RNF169: variants seen among roughly 807,000 people sequenced by gnomAD.
RNF169 encodes ring finger protein 169.
Under a neutral mutation model 53.9 loss-of-function variants are expected in RNF169, and 24 were observed. The observed-to-expected ratio is 0.45, with a 90% CI of 0.32 to 0.63. The LOEUF is 0.63. Among genes scored for constraint, RNF169 ranks in the 20% least tolerant of loss-of-function variants. The pLI is 0.04. For missense variants in RNF169, 883 were observed against 906.2 expected (o/e 0.97, Z 0.33); for synonymous variants, 396 against 363.5 (o/e 1.09, Z -1.02).
At position 74,749,152 on chromosome 11, in the gene RNF169, G is replaced by A; in HGVS notation, c.272G>A (p.Cys91Tyr). ...LPCGHSLCRG[C>Y]AQRAADAAGP... ...TGCGGCCACTCGCTTTGCCGAGGCT[G>A]CGCCCAACGCGCCGCCGACGCGGCG... Residue 91 changes from cysteine to tyrosine, a missense_variant, in exon 1 of 6, where the codon TGC (cysteine) becomes TAC (tyrosine). Transcript: ENST00000299563. 2 of 1,263,392 alleles carry A rather than the reference G, an allele frequency of 1.6e-6. No individual in the cohort carries two copies. Among genetic ancestry groups the A allele is most frequent in the Non-Finnish European group, 2.0e-6 (2 of 1,006,388 alleles). The allele number at this position is 1,263,392 out of a possible 1,614,324, so 78.3% of individuals were successfully genotyped here.
intron 3 of RNF169, among the ~76,000 whole-genome samples, chr11:74,814,830 A>AT (rs1223144173): frequency 6.6e-6 from 1 of 152,008 alleles, no homozygotes; most frequent in Non-Finnish European, 1.5e-5. Context: ...CATTTGTCTC[A>AT]TTTTTTTCTT....
At position 74,835,896 on chromosome 11, in the gene RNF169, C is replaced by G; in HGVS notation, c.1293C>G (p.Leu431=). The stretch of plus-strand genomic sequence containing the variant: ...CTTATGAGGCCAGTCCACGGATCCT[C>G]AAAAAGTGGGAACAGATCTTTCAGG... The part of the protein sequence containing the change: ...QTSYEASPRI[L]KKWEQIFQER... Residue 431 remains leucine (L), a synonymous_variant, in exon 6 of 6, where the codon CTC becomes CTG. Transcript: ENST00000299563. The G allele has an allele frequency of 6.2e-7, 1 of 1,614,070 alleles. No homozygotes were observed. The highest frequency in any genetic ancestry group is 1.3e-5 in the African/African-American group (1 of 75,028).
chr11:74,750,468 T>A (rs2034869658), intron 1 of RNF169, among the ~76,000 whole-genome samples: 1 of 152,020 alleles, frequency 6.6e-6, no homozygotes, highest in Admixed American at 6.6e-5. Flanking sequence ...TAGAATGCAC[T>A]CTGTTTTGAT....
rs550288392 is a variant in RNF169 at position 74,769,032 on chromosome 11, A to G, written c.502+19650A>G. ...GTGACAGAAGCGAGACCCTGCCTCA[A>G]AAGAAACAAAACAAAACAAACACAC... is the stretch of plus-strand genomic sequence containing the variant. On this transcript the variant is annotated intron_variant, in intron 1 of 5. Transcript: ENST00000299563. Among the ~76,000 whole-genome samples the G allele has an allele frequency of 2.4e-4, 36 of 152,236 alleles. No individual in the cohort carries two copies. The East Asian group carries it at 6.4e-3, about 27-fold the overall frequency.
At chr11:74,793,963 A>G (rs11606726) in intron 2 of RNF169, among the ~76,000 whole-genome samples, 6,725 of 152,228 alleles carry the variant, frequency 0.044, 244 homozygotes, top group Middle Eastern at 0.068. Context: ...TAAACACTTT[A>G]GTCTTCTGTA....
At chr11:74,777,008 C>T (rs765464986) in intron 1 of RNF169, among the ~76,000 whole-genome samples, 8 of 152,096 alleles carry the variant, frequency 5.3e-5, no homozygotes, top group Non-Finnish European at 1.0e-4. Context: ...GGTCAGTTCT[C>T]TTCATAAAGA....
chr11:74,788,810 T>C (rs1565177540), intron 1 of RNF169, among the ~76,000 whole-genome samples: 1 of 152,226 alleles, frequency 6.6e-6, no homozygotes, highest in Non-Finnish European at 1.5e-5. Context: ...TATTGTTACA[T>C]CTTCTTGATG....
intron 1 of RNF169, among the ~76,000 whole-genome samples, chr11:74,775,375 A>G (rs2135331167): frequency 6.6e-6 from 1 of 152,276 alleles, no homozygotes; most frequent in Middle Eastern, 3.4e-3. Flanking sequence ...CTAGTCAAAG[A>G]GGAATATTTT....
Position 74,837,140 on chromosome 11 carries a change from A to G in RNF169, c.*410A>G, listed in dbSNP as rs1417494499. 1 of 158,520 alleles carries G rather than the reference A, an allele frequency of 6.3e-6. No individual in the cohort carries two copies. The highest frequency in any genetic ancestry group is 2.4e-5 in the African/African-American group (1 of 41,586). The allele number at this position is 158,520 out of a possible 1,614,324, so 9.8% of individuals were successfully genotyped here. A position where few individuals can be genotyped will look rare whatever the true frequency, so the allele number is the denominator to read the frequency against. ...TAATTCCATCTTTTTCAGACAAGTG[A>G]ACAATTTAGTTCCTTGGCAGATCCA... On this transcript the variant is annotated 3_prime_UTR_variant, in exon 6 of 6. Transcript: ENST00000299563.
rs1273152497 is a variant in RNF169 at position 74,842,320 on chromosome 11, T to G, written c.*5590T>G. ...TCAAGTGGGCTGATGTGTTGTTATT[T>G]AAACAGTACCAAAGTGCATTCTTCA... On this transcript the variant is annotated 3_prime_UTR_variant, in exon 6 of 6. Coordinates refer to ENST00000299563, the MANE Select transcript of RNF169 (RefSeq NM_001098638.2). 1 of 152,256 alleles carries G rather than the reference T, an allele frequency of 6.6e-6. No individual in the cohort carries two copies. Among genetic ancestry groups the G allele is most frequent in the African/African-American group, 2.4e-5 (1 of 41,472 alleles). 9.4% of individuals were successfully genotyped at this position (152,256 alleles called of 1,614,324 possible).
chr11:74,797,081 A>G (rs2035659963), intron 2 of RNF169, among the ~76,000 whole-genome samples: 1 of 152,186 alleles, frequency 6.6e-6, no homozygotes, highest in African/African-American at 2.4e-5. Context: ...AGTAGTAAGC[A>G]TGCAGTTTTT....
chr11:74,820,447 G>A (rs1358533167), intron 4 of RNF169, among the ~76,000 whole-genome samples: 1 of 152,034 alleles, frequency 6.6e-6, no homozygotes, highest in Non-Finnish European at 1.5e-5. Context: ...TGAGGCCAGG[G>A]CATGAAAAGA....
At chr11:74,810,398 C>G (rs1173202023) in intron 3 of RNF169, 68 bp downstream of exon 3, 1 of 1,411,142 alleles carries the variant, frequency 7.1e-7, no homozygotes, top group Non-Finnish European at 1.0e-6. Context: ...TGACCTGGAC[C>G]TGAAAGACCT....
chr11:74,840,378 C>T lies in RNF169; in HGVS notation c.*3648C>T, dbSNP rs962452881. ...AAGCTGCATTCTACATTTTAGAGAC[C>T]CCATTGGTATTTGTGAATTTGATTG... On this transcript the variant is annotated 3_prime_UTR_variant, in exon 6 of 6. Transcript: ENST00000299563. 2.0e-5 allele frequency: 3 copies of T among 152,100 alleles called. No individual in the cohort carries two copies. The highest frequency in any genetic ancestry group is 4.4e-5 in the Non-Finnish European group (3 of 68,004). The allele number at this position is 152,100 out of a possible 1,614,324, so 9.4% of individuals were successfully genotyped here. A position where few individuals can be genotyped will look rare whatever the true frequency, so the allele number is the denominator to read the frequency against.
At chr11:74,798,585 G>A (rs1216882764) in intron 2 of RNF169, among the ~76,000 whole-genome samples, 1 of 152,074 alleles carries the variant, frequency 6.6e-6, no homozygotes, top group Admixed American at 6.6e-5. Flanking sequence ...ATCTCACCCT[G>A]CCTCCACTTG....
Position 74,749,381 on chromosome 11 carries a change from A to G in RNF169, c.501A>G (p.Pro167=), listed in dbSNP as rs1332695358. ...AGCCGCGTGCCGCGCCTGCGGAGCC[A>G]GGTGGAGCTTCCCCACTTCCCCTTA... ...EQEPRAAPAE[P]DFIFRAPIKL... The change falls in exon 1 of 6, where the codon CCA becomes CCG. Residue 167 remains proline, a splice_region_variant and synonymous_variant. Transcript: ENST00000299563. 7 of 1,211,324 alleles carry G rather than the reference A, an allele frequency of 5.8e-6. No homozygotes were observed. The highest frequency in any genetic ancestry group is 4.7e-5 in the African/African-American group (3 of 63,570). The allele number at this position is 1,211,324 out of a possible 1,614,324, so 75.0% of individuals were successfully genotyped here. A position where few individuals can be genotyped will look rare whatever the true frequency, so the allele number is the denominator to read the frequency against.
chr11:74,761,116 C>A (rs1352915120), intron 1 of RNF169, among the ~76,000 whole-genome samples: 5 of 125,532 alleles, frequency 4.0e-5, no homozygotes, highest in Non-Finnish European at 6.6e-5. Context: ...CTGTTTTATC[C>A]GAGACTAGGA....
intron 1 of RNF169, among the ~76,000 whole-genome samples, chr11:74,761,918 C>G (rs1417364564): frequency 1.3e-5 from 2 of 149,720 alleles, no homozygotes; most frequent in Non-Finnish European, 3.0e-5. Context: ...TGGTTCCATT[C>G]TCCCCATCAC....
intron 1 of RNF169, among the ~76,000 whole-genome samples, chr11:74,770,512 A>G (rs1415897722): frequency 6.6e-6 from 1 of 152,240 alleles, no homozygotes; most frequent in Non-Finnish European, 1.5e-5. Flanking sequence ...GTGGGGATAC[A>G]TGGTTACTGA....
Sources: gnomAD v4.1 joint callset for allele counts (sites outside exome capture counted in the v4.1 genomes callset) on GRCh38, gnomAD v4.1.1 for gene constraint, MANE v1.5 for transcripts, NCBI Gene and HGNC (gene_info 2026-07-23, HGNC 2026-07-21) for gene names.